Variants in ZNF525 observed in about 807,000 individuals in gnomAD.
ZNF525 encodes zinc finger protein 525.
Under a neutral mutation model 37.6 loss-of-function variants are expected in ZNF525, and 33 were observed. The ratio of observed to expected loss-of-function variants is 0.88; its 90% CI spans 0.67 to 1.17. The LOEUF (loss-of-function observed/expected upper bound fraction) is 1.17, where lower values mean the gene tolerates loss of function less well. Ranked by LOEUF, ZNF525 falls within the 50% of genes most tolerant of loss-of-function variation. ZNF525 has a pLI of 0.00. For synonymous variants in ZNF525, 170 were observed against 182.3 expected (o/e 0.93, Z 0.54); for missense variants, 449 against 543.1 (o/e 0.83, Z 1.72).
chr19:53,367,761 A>G (rs925614380), intron 1 of ZNF525, among the ~76,000 whole-genome samples: 2 of 152,114 alleles, frequency 1.3e-5, no homozygotes, highest in African/African-American at 4.8e-5. Context: ...TAAACTTTCT[A>G]CATACTCCTC....
At chr19:53,368,349 T>C (rs542430831) in intron 1 of ZNF525, among the ~76,000 whole-genome samples, 20 of 152,338 alleles carry the variant, frequency 1.3e-4, no homozygotes, top group Non-Finnish European at 2.5e-4. Context: ...TGTTTTATTA[T>C]AATATTGCTG....
chr19:53,372,545 G>A lies in ZNF525; in HGVS notation c.15+249G>A, dbSNP rs138777037. 1.5e-3 allele frequency: 1,539 copies of A among 1,058,012 alleles called. 15 individuals are homozygous for A. In the African/African-American group the frequency reaches 0.021, roughly 15 times the overall value. The allele number at this position is 1,058,012 out of a possible 1,614,324, so 65.5% of individuals were successfully genotyped here. ...ACAACCAGACATGGATGGAGACGGG[G>A]TGAGGGTCCCGTGGTGTCAGTGCTG... On this transcript the variant is annotated intron_variant, in intron 2 of 3. Coordinates refer to ENST00000474037, the MANE Select transcript of ZNF525 (RefSeq NM_001348156.2).
chr19:53,381,967 G>A lies in ZNF525; in HGVS notation c.1388G>A (p.Gly463Glu). 1 of 1,043,780 alleles carries A rather than the reference G, an allele frequency of 9.6e-7. No individual in the cohort carries two copies. The allele number at this position is 1,043,780 out of a possible 1,614,324, so 64.7% of individuals were successfully genotyped here. The change falls in exon 4 of 4, where the codon GGA (glycine) becomes GAA (glutamate). Residue 463 changes from glycine (G) to glutamate (E), a missense_variant. This residue lies in a region of ZNF525 where 178 missense variants were observed against 161.5 expected (regional missense o/e 1.10). Transcript: ENST00000474037. ...ACCTGCCATTGTAGACTTCATAGTG[G>A]AGAGAAACCTTGCAAGTGTGGAGAA... is the stretch of plus-strand genomic sequence containing the variant. ...SLTCHCRLHS[G>E]EKPCKCGECD...
At chr19:53,367,093 A>G (rs1001425668) in intron 1 of ZNF525, among the ~76,000 whole-genome samples, 2 of 152,120 alleles carry the variant, frequency 1.3e-5, no homozygotes, top group Admixed American at 6.5e-5. Flanking sequence ...TTGTAGCTGC[A>G]TTGAAAGAAA....
At chr19:53,380,529 A>G (rs1380123562) in intron 3 of ZNF525, among the ~76,000 whole-genome samples, 193 bp from the exon 4 acceptor site, 1 of 152,160 alleles carries the variant, frequency 6.6e-6, no homozygotes, top group African/African-American at 2.4e-5. Context: ...AGGCTTACAC[A>G]TGTTTGTGCC....
At chr19:53,379,592 T>G (rs1290689979) in intron 3 of ZNF525, 2 of 152,260 alleles carry the variant, frequency 1.3e-5, no homozygotes, top group Non-Finnish European at 2.9e-5. Context: ...AATGTACTTA[T>G]GATTTGCTTG....
chr19:53,379,701 A>G (rs1045822005), intron 3 of ZNF525, among the ~76,000 whole-genome samples: 12 of 152,210 alleles, frequency 7.9e-5, no homozygotes, highest in Non-Finnish European at 1.6e-4. Flanking sequence ...ACAGTTTACT[A>G]GTTAATGTCA....
At chr19:53,376,523 T>TTGTG in intron 3 of ZNF525, 1 of 579,150 alleles carries the variant, frequency 1.7e-6, no homozygotes, top group Non-Finnish European at 3.0e-6. Flanking sequence ...TTCCTGCTTA[T>TTGTG]TGTGTTTAAT....
In ZNF525 at chr19:53,381,308, T is replaced by C. The variant is rs1490068688; in HGVS notation, c.729T>C (p.Tyr243=). 4.0e-6 allele frequency: 6 copies of C among 1,488,128 alleles called. 1 individual carries two copies. The South Asian group carries it at 6.8e-5, about 17-fold the overall frequency. 92.2% of individuals were successfully genotyped at this position (1,488,128 alleles called of 1,614,324 possible). A position where few individuals can be genotyped will look rare whatever the true frequency, so the allele number is the denominator to read the frequency against. The part of the protein sequence containing the change: ...HQIIHLGEKQ[Y]KCDVCDKVFI... ...TTATTCATCTAGGAGAGAAACAATA[T>C]AAATGTGATGTATGTGACAAGGTCT... Residue 243 remains tyrosine (Y), a synonymous_variant, in exon 4 of 4, where the codon TAT becomes TAC. Coordinates refer to ENST00000474037, the MANE Select transcript of ZNF525 (RefSeq NM_001348156.2).
chr19:53,379,832 T>C (rs541245659), intron 3 of ZNF525, among the ~76,000 whole-genome samples: 1 of 152,080 alleles, frequency 6.6e-6, no homozygotes, highest in African/African-American at 2.4e-5. Context: ...TGTAACCCTA[T>C]CTCTACTAAA....
chr19:53,376,053 T>C, intron 3 of ZNF525, 157 bp downstream of exon 3: 1 of 1,498,880 alleles, frequency 6.7e-7, no homozygotes, highest in East Asian at 2.3e-5. Flanking sequence ...GCTCAAGTGA[T>C]TGTCCCACCT....
In ZNF525 at chr19:53,385,164, G is replaced by A. The variant is rs1184777602; in HGVS notation, c.*3145G>A. 1 of 505,006 alleles carries A rather than the reference G, an allele frequency of 2.0e-6. No individual in the cohort carries two copies. The highest frequency in any genetic ancestry group is 3.5e-6 in the Non-Finnish European group (1 of 286,914). The allele number at this position is 505,006 out of a possible 1,614,324, so 31.3% of individuals were successfully genotyped here. A position where few individuals can be genotyped will look rare whatever the true frequency, so the allele number is the denominator to read the frequency against. On this transcript the variant is annotated 3_prime_UTR_variant, in exon 4 of 4. Transcript: ENST00000474037. Reference sequence around the variant, plus strand: ...TTTTTTTAATATCCTCTTGAATACAGTTTTCTAGGACAAGGGATCTTCAAG... The same window carrying A: ...TTTTTTTAATATCCTCTTGAATACAATTTTCTAGGACAAGGGATCTTCAAG...
Position 53,371,373 on chromosome 19 carries a change from AT to A in ZNF525, c.-67-837del, listed in dbSNP as rs1019601121. On this transcript the variant is annotated intron_variant, in intron 1 of 3. Coordinates refer to ENST00000474037, the MANE Select transcript of ZNF525 (RefSeq NM_001348156.2). ...GCCACCACACTCAGCTAATTATTGTATTTTTATTTTTAGTTTAGTTTTGAGT... is the reference window on the plus strand; with the variant it reads ...GCCACCACACTCAGCTAATTATTGTATTTTATTTTTAGTTTAGTTTTGAGT... Among the ~76,000 whole-genome samples the A allele has an allele frequency of 1.1e-4, 17 of 151,220 alleles. 1 individual carries two copies. Among genetic ancestry groups the A allele is most frequent in the Admixed American group, 4.0e-4 (6 of 15,182 alleles).
At chr19:53,371,321 C>G (rs73057075) in intron 1 of ZNF525, among the ~76,000 whole-genome samples, 36,801 of 151,480 alleles carry the variant, frequency 0.24, 4,730 homozygotes, top group East Asian at 0.44. Flanking sequence ...GTCTCAGCCT[C>G]CCAATTAGCT....
chr19:53,369,544 G>T (rs1392469998), intron 1 of ZNF525, among the ~76,000 whole-genome samples: 1 of 147,220 alleles, frequency 6.8e-6, no homozygotes, highest in Non-Finnish European at 1.5e-5. Flanking sequence ...TATTCTTGAT[G>T]GAAACAATTT....
intron 1 of ZNF525, among the ~76,000 whole-genome samples, chr19:53,366,299 T>G (rs1412878013): frequency 1.8e-5 from 2 of 113,508 alleles, no homozygotes; most frequent in African/African-American, 5.0e-5. Flanking sequence ...TTAGGGGAGG[T>G]GCCCGGGTTC....
At position 53,382,048 on chromosome 19, in the gene ZNF525, C is replaced by A; in HGVS notation, c.*29C>A. The stretch of plus-strand genomic sequence containing the variant: ...CTTGAAATACGTCAGAAAATTCATA[C>A]TGGAGAGAAATGTTATAAGTGTAAT... On this transcript the variant is annotated 3_prime_UTR_variant, in exon 4 of 4. Coordinates refer to ENST00000474037, the MANE Select transcript of ZNF525 (RefSeq NM_001348156.2). The A allele has an allele frequency of 1.5e-6, 2 of 1,370,796 alleles. No individual in the cohort carries two copies. Among genetic ancestry groups the A allele is most frequent in the Non-Finnish European group, 2.1e-6 (2 of 974,576 alleles). The allele number at this position is 1,370,796 out of a possible 1,614,324, so 84.9% of individuals were successfully genotyped here. A position where few individuals can be genotyped will look rare whatever the true frequency, so the allele number is the denominator to read the frequency against.
intron 1 of ZNF525, among the ~76,000 whole-genome samples, chr19:53,371,433 A>G (rs983460773): frequency 1.3e-5 from 2 of 152,014 alleles, no homozygotes; most frequent in African/African-American, 4.8e-5. Context: ...GTGCAGTGAC[A>G]TGATCTCGGC....
At chr19:53,373,974 C>G (rs956998160) in intron 2 of ZNF525, among the ~76,000 whole-genome samples, 1 of 152,048 alleles carries the variant, frequency 6.6e-6, no homozygotes, top group Non-Finnish European at 1.5e-5. Flanking sequence ...CCTCTGCATC[C>G]CGAGCTCAAG....
Sources: gnomAD v4.1 joint callset for allele counts (sites outside exome capture counted in the v4.1 genomes callset) on GRCh38, gnomAD v4.1.1 for gene constraint, gnomAD v4.1.1 regional missense constraint, MANE v1.5 for transcripts, NCBI Gene and HGNC (gene_info 2026-07-23, HGNC 2026-07-21) for gene names.